Variants in PTPRO observed in about 807,000 individuals in gnomAD.
PTPRO encodes protein tyrosine phosphatase receptor type O.
In PTPRO, 62 loss-of-function variants were observed where a neutral mutation model predicts 145.2. The observed-to-expected ratio is 0.43, with a 90% confidence interval of 0.35 to 0.53. The LOEUF (loss-of-function observed/expected upper bound fraction) is 0.53. PTPRO is among the 20% of genes least tolerant of loss of function. The probability of loss-of-function intolerance (pLI) is 0.01; values close to 1 mark genes in which losing one functional copy is unlikely to be tolerated. For missense variants in PTPRO, 1,345 were observed against 1,482.7 expected, an observed-to-expected ratio of 0.91 and a Z score of 1.53; for synonymous variants, 565 against 514.7, an observed-to-expected ratio of 1.10 and a Z score of -1.32.
chr12:15,466,606 C>T (rs576056056), intron 1 of PTPRO, among the ~76,000 whole-genome samples: 2 of 152,138 alleles, frequency 1.3e-5, no homozygotes, highest in East Asian at 1.9e-4. Flanking sequence ...GTGTGTGTAA[C>T]ATCTAAACTA....
At chr12:15,409,965 A>C (rs1427293411) in intron 1 of PTPRO, among the ~76,000 whole-genome samples, 1 of 152,144 alleles carries the variant, frequency 6.6e-6, no homozygotes, top group Non-Finnish European at 1.5e-5. Context: ...TCACCGTGTT[A>C]CCCTCCCAGT....
At chr12:15,515,710 A>T in intron 8 of PTPRO, 92 bp downstream of exon 8, 1 of 1,535,016 alleles carries the variant, frequency 6.5e-7, no homozygotes, top group African/African-American at 1.4e-5. Flanking sequence ...TTATCATCGT[A>T]TTTGGAAGGT....
chr12:15,505,436 T>C (rs1291025311), intron 6 of PTPRO, among the ~76,000 whole-genome samples: 1 of 152,254 alleles, frequency 6.6e-6, no homozygotes, highest in Non-Finnish European at 1.5e-5. Context: ...CTCTGCTCTA[T>C]TCTTAGAGTA....
intron 1 of PTPRO, among the ~76,000 whole-genome samples, chr12:15,403,507 C>A (rs555803543): frequency 6.6e-6 from 1 of 152,074 alleles, no homozygotes; most frequent in African/African-American, 2.4e-5. Flanking sequence ...GGCGTGAACC[C>A]GGCAGGCGGA....
intron 1 of PTPRO, among the ~76,000 whole-genome samples, chr12:15,470,870 T>C (rs1015130248): frequency 6.6e-6 from 1 of 152,224 alleles, no homozygotes; most frequent in Non-Finnish European, 1.5e-5. Context: ...CCTGGCAGCC[T>C]ACAGGCTGGG....
At chr12:15,516,238 T>C (rs553082258) in intron 8 of PTPRO, among the ~76,000 whole-genome samples, 2 of 149,100 alleles carry the variant, frequency 1.3e-5, no homozygotes, top group South Asian at 2.1e-4. Context: ...CTGCCCACCT[T>C]GGCTTCCCAA....
intron 22 of PTPRO, 118 bp downstream of exon 22, chr12:15,580,949 T>C: frequency 7.3e-7 from 1 of 1,361,304 alleles, no homozygotes; most frequent in Non-Finnish European, 1.0e-6. Flanking sequence ...TCGCTAAATT[T>C]AAAACATTGT....
At chr12:15,416,012 A>T (rs1939961627) in intron 1 of PTPRO, among the ~76,000 whole-genome samples, 1 of 151,762 alleles carries the variant, frequency 6.6e-6, no homozygotes, top group Non-Finnish European at 1.5e-5. Context: ...ATAACTTAGA[A>T]TGGGACAAAT....
chr12:15,591,006 C>T (rs1018253458), intron 25 of PTPRO, among the ~76,000 whole-genome samples: 1 of 152,104 alleles, frequency 6.6e-6, no homozygotes, highest in African/African-American at 2.4e-5. Flanking sequence ...AGAGCCACAC[C>T]TTATTTTAAG....
intron 2 of PTPRO, among the ~76,000 whole-genome samples, chr12:15,488,109 C>T (rs1249659721): frequency 1.3e-5 from 2 of 152,094 alleles, no homozygotes; most frequent in African/African-American, 4.8e-5. Context: ...GTTATGATTT[C>T]GTGAATTATG....
chr12:15,348,421 C>A (rs11056440), intron 1 of PTPRO: 34,694 of 151,944 alleles, frequency 0.23, 4,317 homozygotes, highest in Non-Finnish European at 0.29. Flanking sequence ...ATCCTTGTAA[C>A]AGGAAGAAAC....
intron 1 of PTPRO, among the ~76,000 whole-genome samples, chr12:15,455,190 C>A (rs572647713): frequency 6.6e-6 from 1 of 152,246 alleles, no homozygotes; most frequent in East Asian, 1.9e-4. Flanking sequence ...CTCCTCCTCT[C>A]TTTTCACTGC....
chr12:15,450,639 C>T (rs1036948154), intron 1 of PTPRO, among the ~76,000 whole-genome samples: 5 of 152,024 alleles, frequency 3.3e-5, no homozygotes, highest in South Asian at 2.1e-4. Context: ...CTGGGTGTGT[C>T]GTGTGTGCCA....
chr12:15,508,540 C>T, intron 6 of PTPRO, 31 bp from the exon 7 acceptor site: 1 of 1,600,260 alleles, frequency 6.2e-7, no homozygotes, highest in Non-Finnish European at 8.6e-7. Flanking sequence ...TAACGTGCAG[C>T]CTCCCCTGTG....
At chr12:15,503,163 G>A (rs183933500) in intron 5 of PTPRO, among the ~76,000 whole-genome samples, 30 of 151,472 alleles carry the variant, frequency 2.0e-4, no homozygotes, top group Admixed American at 1.1e-3. Context: ...ATGTTCCTAC[G>A]GCAAATAGGA....
At chr12:15,423,820 C>G (rs1484199613) in intron 1 of PTPRO, among the ~76,000 whole-genome samples, 1 of 152,188 alleles carries the variant, frequency 6.6e-6, no homozygotes, top group Non-Finnish European at 1.5e-5. Flanking sequence ...TACTTCCCTA[C>G]TCCACTTAGA....
At chr12:15,530,022 G>C (rs1408169765) in intron 12 of PTPRO, among the ~76,000 whole-genome samples, 1 of 152,132 alleles carries the variant, frequency 6.6e-6, no homozygotes, top group Admixed American at 6.5e-5. Context: ...TGAAGGGGTG[G>C]AAAAAGATAT....
chr12:15,502,611 A>C (rs1942244823), intron 5 of PTPRO, among the ~76,000 whole-genome samples: 1 of 152,190 alleles, frequency 6.6e-6, no homozygotes, highest in Non-Finnish European at 1.5e-5. Flanking sequence ...AAAATGGAAA[A>C]TACACAGCTG....
At chr12:15,395,249 G>C (rs1296588809) in intron 1 of PTPRO, among the ~76,000 whole-genome samples, 1 of 152,116 alleles carries the variant, frequency 6.6e-6, no homozygotes, top group Non-Finnish European at 1.5e-5. Context: ...GAAGTGTCTG[G>C]AAACTGAGGA....
Sources: gnomAD v4.1 joint callset for allele counts (sites outside exome capture counted in the v4.1 genomes callset) on GRCh38, gnomAD v4.1.1 for gene constraint, MANE v1.5 for transcripts, NCBI Gene and HGNC (gene_info 2026-07-23, HGNC 2026-07-21) for gene names.